Variants in ATP2A2 observed in about 807,000 individuals in gnomAD.
ATP2A2 encodes the protein sarcoplasmic/endoplasmic reticulum calcium ATPase 2.
ATP2A2 carries 14 observed loss-of-function variants against 109.3 expected under a neutral mutation model. The observed-to-expected ratio is 0.13, with a 90% CI of 0.08 to 0.20. The LOEUF is 0.20. Among genes scored for constraint, ATP2A2 ranks in the 10% least tolerant of loss-of-function variants. The pLI, the probability that ATP2A2 is intolerant of heterozygous loss-of-function variation, is 1.00. For missense variants in ATP2A2, 657 were observed against 1,321.6 expected (o/e 0.50, Z 7.80); for synonymous variants, 506 against 490.9 (o/e 1.03, Z -0.41).
chr12:110,308,425 GT>G (rs781459762), intron 5 of ATP2A2, among the ~76,000 whole-genome samples: 21 of 152,288 alleles, frequency 1.4e-4, no homozygotes, highest in Non-Finnish European at 2.4e-4. Flanking sequence ...GTATACTCTG[GT>G]GACCTTTCAT....
chr12:110,295,146 G>A (rs1352563819), intron 4 of ATP2A2, among the ~76,000 whole-genome samples: 2 of 151,526 alleles, frequency 1.3e-5, no homozygotes, highest in Non-Finnish European at 2.9e-5. Flanking sequence ...TGTCATCTTT[G>A]TTCTCAGGGT....
In ATP2A2 at chr12:110,342,245, C is replaced by T. The variant is rs376862179; in HGVS notation, c.2115C>T (p.Asn705=). The part of the protein sequence containing the change: ...EITAMTGDGV[N]DAPALKKAEI... ...CCTTTCAGACTGGCGATGGCGTGAA[C>T]GATGCTCCTGCTCTGAAGAAAGCCG... Residue 705 remains asparagine, a synonymous_variant, in exon 15 of 20, where the codon AAC becomes AAT. Transcript: ENST00000539276. This position sits in a 1 kb window ranked among gnomAD's most constrained non-coding sequence, Gnocchi z 4.6. 3.5e-5 allele frequency: 56 copies of T among 1,614,074 alleles called. No homozygotes were observed. Among genetic ancestry groups the T allele is most frequent in the Admixed American group, 5.0e-5 (3 of 60,000 alleles).
rs137984643 is a variant in ATP2A2, at chr12:110,313,705, C to CTTT, written c.464-9267_464-9265dup. ...ACTTTTATATTAAAAGATAATGGAA[C>CTTT]TTTTTTTTTTTTTTTTTTTTTTGAG... is the stretch of plus-strand genomic sequence containing the variant. On this transcript the variant is annotated intron_variant, in intron 5 of 19. Transcript: ENST00000539276. 1.1e-3 allele frequency among the ~76,000 whole-genome samples: 124 copies of CTTT among 111,884 alleles called. 1 individual carries two copies. The highest frequency in any genetic ancestry group is 3.7e-3 in the African/African-American group (105 of 28,580). The allele number at this position is 111,884 out of a possible 152,430, so 73.4% of individuals were successfully genotyped here. A position where few individuals can be genotyped will look rare whatever the true frequency, so the allele number is the denominator to read the frequency against.
At chr12:110,305,870 TG>T (rs1451110468) in intron 5 of ATP2A2, among the ~76,000 whole-genome samples, 1 of 150,390 alleles carries the variant, frequency 6.6e-6, no homozygotes, top group Non-Finnish European at 1.5e-5. Context: ...TAGGGATGTC[TG>T]TTTTTTTTTT....
Position 110,323,017 on chromosome 12 carries a change from A to G in ATP2A2, c.489A>G (p.Ile163Met). Reference sequence around the variant, plus strand: ...TTGGTGACAAAGTTCCTGCTGATATAAGGTTAACTTCCATCAAATCTACCA... The same window carrying G: ...TTGGTGACAAAGTTCCTGCTGATATGAGGTTAACTTCCATCAAATCTACCA... The part of the protein sequence containing the change: ...IAVGDKVPAD[I>M]RLTSIKSTTL... Residue 163 changes from isoleucine to methionine, a missense_variant, in exon 6 of 20, where the codon ATA becomes ATG. Physicochemically the swap from Ile to Met is conservative, Grantham distance 10. Transcript: ENST00000539276. The G allele has an allele frequency of 6.2e-7, 1 of 1,613,438 alleles. No homozygotes were observed. Among genetic ancestry groups the G allele is most frequent in the Non-Finnish European group, 8.5e-7 (1 of 1,179,424 alleles).
chr12:110,289,534 A>G (rs1265385412), intron 3 of ATP2A2, among the ~76,000 whole-genome samples: 1 of 152,126 alleles, frequency 6.6e-6, no homozygotes, highest in East Asian at 1.9e-4. Flanking sequence ...ATCTGTCAGG[A>G]CTTGGTGGTC....
chr12:110,282,390 A>G (rs148774375), intron 1 of ATP2A2, among the ~76,000 whole-genome samples: 1 of 152,168 alleles, frequency 6.6e-6, no homozygotes, highest in Non-Finnish European at 1.5e-5. Flanking sequence ...CAGGCCATTG[A>G]TTACAAAGAG....
intron 5 of ATP2A2, among the ~76,000 whole-genome samples, chr12:110,299,771 C>T (rs1874355818): frequency 6.6e-6 from 1 of 152,112 alleles, no homozygotes; most frequent in South Asian, 2.1e-4. Context: ...AGGCATGAGC[C>T]ACCATGTACC....
intron 5 of ATP2A2, among the ~76,000 whole-genome samples, chr12:110,308,194 TTC>T (rs1179147942): frequency 3.3e-5 from 5 of 152,224 alleles, no homozygotes; most frequent in Admixed American, 6.5e-5. Context: ...ATGTTTTTAC[TTC>T]TTTCTAGTCT....
At position 110,342,123 on chromosome 12, in the gene ATP2A2, A is replaced by C. The variant is rs1350560221; in HGVS notation, c.2098-105A>C. 7.8e-7 allele frequency: 1 copy of C among 1,288,506 alleles called. No homozygotes were observed. The highest frequency in any genetic ancestry group is 1.1e-6 in the Non-Finnish European group (1 of 888,482). 79.8% of individuals were successfully genotyped at this position (1,288,506 alleles called of 1,614,324 possible). A position where few individuals can be genotyped will look rare whatever the true frequency, so the allele number is the denominator to read the frequency against. ...TCTAAAACTCTTTGCCAAGAGACCT[A>C]CGGCTCTATTCATTTTCCTCCTGCT... On this transcript the variant is annotated intron_variant, in intron 14 of 19. Transcript: ENST00000539276. This position sits in a 1 kb window ranked among gnomAD's most constrained non-coding sequence, Gnocchi z 4.6.
intron 5 of ATP2A2, among the ~76,000 whole-genome samples, chr12:110,317,951 T>C (rs1392844026): frequency 1.3e-5 from 2 of 152,218 alleles, no homozygotes; most frequent in Non-Finnish European, 2.9e-5. Context: ...ATTCAGAGTT[T>C]ATTCTTTTAT....
At chr12:110,323,951 G>T (rs1877507082) in intron 6 of ATP2A2, among the ~76,000 whole-genome samples, 1 of 152,140 alleles carries the variant, frequency 6.6e-6, no homozygotes, top group African/African-American at 2.4e-5. Context: ...TGCTAATGTT[G>T]TATCAATCTT....
Position 110,349,067 on chromosome 12 carries a change from AGAG to A in ATP2A2, c.*2601_*2603del, listed in dbSNP as rs894501506. 8 of 985,364 alleles carry A rather than the reference AGAG, an allele frequency of 8.1e-6. No individual in the cohort carries two copies. The highest frequency in any genetic ancestry group is 6.1e-5 in the Admixed American group (1 of 16,262). 61.0% of individuals were successfully genotyped at this position (985,364 alleles called of 1,614,324 possible). A position where few individuals can be genotyped will look rare whatever the true frequency, so the allele number is the denominator to read the frequency against. ...TCAGCTTCAGACCCCTCCAGCCCAC[AGAG>A]GAGCCCATGGAGGGACCCACTTCCC... On this transcript the variant is annotated 3_prime_UTR_variant, in exon 20 of 20. Coordinates refer to ENST00000539276, the MANE Select transcript of ATP2A2 (RefSeq NM_170665.4).
chr12:110,339,209 T>C lies in ATP2A2; in HGVS notation c.1420-72T>C. ...CCTAGCATCTGTCATGTAATAGGTG[T>C]GCTTACTGCTTGTTAGGTAAAAAAG... On this transcript the variant is annotated intron_variant, in intron 11 of 19. Coordinates refer to ENST00000539276, the MANE Select transcript of ATP2A2 (RefSeq NM_170665.4). This position sits in a 1 kb window ranked among gnomAD's most constrained non-coding sequence, Gnocchi z 4.4. 6.3e-7 allele frequency: 1 copy of C among 1,584,742 alleles called. No homozygotes were observed.
At chr12:110,283,937 C>T (rs1194005830) in intron 3 of ATP2A2, among the ~76,000 whole-genome samples, 2 of 152,142 alleles carry the variant, frequency 1.3e-5, no homozygotes, top group African/African-American at 2.4e-5. Flanking sequence ...TTATACCCAT[C>T]TTTTAAGTAG....
chr12:110,293,176 C>G (rs766955451), intron 4 of ATP2A2, among the ~76,000 whole-genome samples: 1 of 151,910 alleles, frequency 6.6e-6, no homozygotes, highest in Non-Finnish European at 1.5e-5. Flanking sequence ...CTCCCAGGTT[C>G]AAGCAGTTCT....
chr12:110,319,239 A>G (rs1188600432), intron 5 of ATP2A2, among the ~76,000 whole-genome samples: 2 of 149,880 alleles, frequency 1.3e-5, no homozygotes, highest in Non-Finnish European at 3.0e-5. Flanking sequence ...AAAAAAAAAA[A>G]AAAAAAAGTG....
rs1419324104 is a variant in ATP2A2, at chr12:110,350,967, G to A, written c.*4497G>A. On this transcript the variant is annotated 3_prime_UTR_variant, in exon 20 of 20. Coordinates refer to ENST00000539276, the MANE Select transcript of ATP2A2 (RefSeq NM_170665.4). ...CATTTATCTTAATAAAATGCTAAAT[G>A]TCAATTTATCACTGCGCATGTTTGA... 1 of 152,346 alleles carries A rather than the reference G, an allele frequency of 6.6e-6. No homozygotes were observed. Among genetic ancestry groups the A allele is most frequent in the African/African-American group, 2.4e-5 (1 of 41,370 alleles). The allele number at this position is 152,346 out of a possible 1,614,324, so 9.4% of individuals were successfully genotyped here. A position where few individuals can be genotyped will look rare whatever the true frequency, so the allele number is the denominator to read the frequency against.
At chr12:110,294,843 G>A (rs948430668) in intron 4 of ATP2A2, among the ~76,000 whole-genome samples, 3 of 151,808 alleles carry the variant, frequency 2.0e-5, no homozygotes, top group South Asian at 2.1e-4. Context: ...TTTTTAAGAC[G>A]GAGTCTCGCT....
Sources: gnomAD v4.1 joint callset for allele counts (sites outside exome capture counted in the v4.1 genomes callset) on GRCh38, gnomAD v4.1.1 for gene constraint, Gnocchi (gnomAD v3.1) non-coding constraint, MANE v1.5 for transcripts, NCBI Gene and HGNC (gene_info 2026-07-23, HGNC 2026-07-21) for gene names.